The following DCC variants were observed in gnomAD, a reference collection of about 807,000 sequenced individuals.
DCC encodes netrin receptor DCC.
Under a neutral mutation model 172.5 loss-of-function variants are expected in DCC, and 58 were observed. The observed-to-expected ratio is 0.34, with a 90% CI of 0.27 to 0.42. The LOEUF (loss-of-function observed/expected upper bound fraction) is 0.42, where lower values mean the gene tolerates loss of function less well. Ranked by LOEUF, DCC falls within the 10% of genes least tolerant of loss-of-function variation. The pLI, the probability that DCC is intolerant of heterozygous loss-of-function variation, is 1.00. For missense variants in DCC, 1,740 were observed against 1,791.0 expected (o/e 0.97, Z 0.51); for synonymous variants, 709 against 644.5 (o/e 1.10, Z -1.52).
chr18:53,455,295 G>A (rs963227802), intron 23 of DCC, among the ~76,000 whole-genome samples: 4 of 152,146 alleles, frequency 2.6e-5, no homozygotes, highest in African/African-American at 9.7e-5. Flanking sequence ...GACGATGCCT[G>A]AGTCCGTAGT....
intron 1 of DCC, among the ~76,000 whole-genome samples, chr18:52,622,315 T>A (rs1164631664): frequency 6.6e-6 from 1 of 152,102 alleles, no homozygotes; most frequent in Non-Finnish European, 1.5e-5. Flanking sequence ...TCTAGAAGAG[T>A]ACATTGTTCT....
At chr18:53,039,583 G>A (rs185697172) in intron 5 of DCC, among the ~76,000 whole-genome samples, 5 of 152,090 alleles carry the variant, frequency 3.3e-5, no homozygotes, top group Admixed American at 6.6e-5. Flanking sequence ...CCATGCTGTG[G>A]CAGAGGTTGG....
chr18:53,353,527 CA>C, intron 15 of DCC, among the ~76,000 whole-genome samples: 1 of 138,352 alleles, frequency 7.2e-6, no homozygotes, highest in Middle Eastern at 3.5e-3. Context: ...TAACTGGTGT[CA>C]TTTTTTTTTA....
intron 5 of DCC, among the ~76,000 whole-genome samples, chr18:52,938,915 ACCT>A (rs2040421045): frequency 6.6e-6 from 1 of 151,576 alleles, no homozygotes; most frequent in Non-Finnish European, 1.5e-5. Context: ...CAGTCCTAAA[ACCT>A]CCTAACTTGT....
intron 7 of DCC, among the ~76,000 whole-genome samples, chr18:53,099,197 T>C (rs1416626898): frequency 6.6e-6 from 1 of 152,132 alleles, no homozygotes; most frequent in Non-Finnish European, 1.5e-5. Context: ...CTTCCATTTG[T>C]ATTGGTTTGT....
At chr18:52,590,466 A>G (rs1349931) in intron 1 of DCC, among the ~76,000 whole-genome samples, 6,287 of 152,322 alleles carry the variant, frequency 0.041, 160 homozygotes, top group Non-Finnish European at 0.054. Flanking sequence ...GTCTACATGA[A>G]TAAATAATAT....
At chr18:52,843,714 A>G (rs1377209697) in intron 2 of DCC, among the ~76,000 whole-genome samples, 3 of 152,146 alleles carry the variant, frequency 2.0e-5, no homozygotes, top group Non-Finnish European at 4.4e-5. Context: ...CTGCCTATTA[A>G]AACCCCACTA....
intron 12 of DCC, among the ~76,000 whole-genome samples, chr18:53,257,575 G>A (rs560912726): frequency 6.6e-5 from 10 of 152,220 alleles, no homozygotes; most frequent in African/African-American, 2.4e-4. Flanking sequence ...CTTGATCATA[G>A]TGGATAAGCT....
chr18:52,681,593 C>T (rs772467317), intron 1 of DCC, among the ~76,000 whole-genome samples: 1 of 151,970 alleles, frequency 6.6e-6, no homozygotes, highest in Admixed American at 6.6e-5. Flanking sequence ...TGATTAGTTC[C>T]TTTTGTCAAC....
At chr18:52,620,040 C>A (rs554701297) in intron 1 of DCC, among the ~76,000 whole-genome samples, 2 of 152,168 alleles carry the variant, frequency 1.3e-5, no homozygotes, top group African/African-American at 4.8e-5. Flanking sequence ...GCCATTGAGG[C>A]CCCCTCGTAA....
intron 1 of DCC, among the ~76,000 whole-genome samples, chr18:52,452,544 G>A (rs375003844): frequency 5.6e-4 from 85 of 152,280 alleles, no homozygotes; most frequent in Non-Finnish European, 9.9e-4. Flanking sequence ...CAAAACAGGG[G>A]AAGATGCTTT....
chr18:52,481,710 A>G (rs2029968878), intron 1 of DCC, among the ~76,000 whole-genome samples: 1 of 152,064 alleles, frequency 6.6e-6, no homozygotes, highest in Admixed American at 6.6e-5. Flanking sequence ...AACAGTGACG[A>G]CTTAGGGTCC....
intron 2 of DCC, among the ~76,000 whole-genome samples, chr18:52,815,554 T>C (rs2038280617): frequency 6.6e-6 from 1 of 152,146 alleles, no homozygotes; most frequent in Non-Finnish European, 1.5e-5. Context: ...CCAAGTTTGC[T>C]GACACCTTCA....
chr18:52,388,667 A>C (rs1038962819), intron 1 of DCC, among the ~76,000 whole-genome samples: 1 of 151,912 alleles, frequency 6.6e-6, no homozygotes, highest in Admixed American at 6.6e-5. Flanking sequence ...GGTAAACTGG[A>C]GAGAGAAGGT....
At chr18:52,813,355 C>T (rs1026579077) in intron 2 of DCC, among the ~76,000 whole-genome samples, 10 of 148,760 alleles carry the variant, frequency 6.7e-5, no homozygotes, top group Admixed American at 4.7e-4. Context: ...AAATAAAGGG[C>T]AAAAAGATGG....
chr18:52,937,935 G>A (rs1050039193), intron 5 of DCC, among the ~76,000 whole-genome samples: 63 of 152,204 alleles, frequency 4.1e-4, no homozygotes, highest in African/African-American at 1.3e-3. Flanking sequence ...TACAGTGAGC[G>A]AGTGACACCT....
At chr18:52,584,251 A>C (rs1452848468) in intron 1 of DCC, among the ~76,000 whole-genome samples, 1 of 152,230 alleles carries the variant, frequency 6.6e-6, no homozygotes, top group African/African-American at 2.4e-5. Context: ...CTAGCCCAGC[A>C]CTTTGGTCTC....
chr18:53,256,328 G>A (rs1385247253), intron 12 of DCC, among the ~76,000 whole-genome samples: 1 of 152,194 alleles, frequency 6.6e-6, no homozygotes, highest in African/African-American at 2.4e-5. Context: ...GTTTTCTTCA[G>A]GGTTTTTATG....
At chr18:53,300,038 T>C (rs553766020) in intron 12 of DCC, among the ~76,000 whole-genome samples, 81 of 152,270 alleles carry the variant, frequency 5.3e-4, no homozygotes, top group African/African-American at 1.9e-3. Flanking sequence ...ACTTAAAGAA[T>C]AGTGGAAACA....
Sources: gnomAD v4.1 joint callset for allele counts (sites outside exome capture counted in the v4.1 genomes callset) on GRCh38, gnomAD v4.1.1 for gene constraint, MANE v1.5 for transcripts, NCBI Gene and HGNC (gene_info 2026-07-23, HGNC 2026-07-21) for gene names.